MECOM: variants seen among roughly 807,000 people sequenced by gnomAD.
MECOM encodes the protein histone-lysine N-methyltransferase MECOM.
A neutral mutation model predicts 116.3 loss-of-function variants in MECOM; 13 were observed. That is an observed-to-expected ratio of 0.11 (90% CI 0.07 to 0.18). MECOM has a LOEUF of 0.18. Ranked by LOEUF, MECOM falls within the 10% of genes least tolerant of loss-of-function variation. The pLI is 1.00. For synonymous variants in MECOM, 528 were observed against 535.2 expected, an observed-to-expected ratio of 0.99 and a Z score of 0.19; for missense variants, 1,299 against 1,509.0, an observed-to-expected ratio of 0.86 and a Z score of 2.31.
At chr3:169,620,730 G>C (rs1382337955) in intron 1 of MECOM, among the ~76,000 whole-genome samples, 1 of 152,192 alleles carries the variant, frequency 6.6e-6, no homozygotes, top group Non-Finnish European at 1.5e-5. Flanking sequence ...AGGCTCATGG[G>C]AGCAAGCAAA....
chr3:169,485,964 C>CTATATA (rs371192814), intron 1 of MECOM, among the ~76,000 whole-genome samples: 4 of 94,392 alleles, frequency 4.2e-5, no homozygotes, highest in East Asian at 3.0e-4. Context: ...TACATATATA[C>CTATATA]TATATATACA....
chr3:169,479,490 C>T (rs1252005109), intron 1 of MECOM, among the ~76,000 whole-genome samples: 1 of 151,882 alleles, frequency 6.6e-6, no homozygotes, highest in Non-Finnish European at 1.5e-5. Context: ...CAGGGCCAGA[C>T]CATGCAAGGC....
chr3:169,242,575 C>T (rs1250615818), intron 2 of MECOM, among the ~76,000 whole-genome samples: 1 of 152,130 alleles, frequency 6.6e-6, no homozygotes, highest in Non-Finnish European at 1.5e-5. Flanking sequence ...CCAACCACAA[C>T]ATGCTACCCA....
In MECOM at chr3:169,538,434, A is replaced by T. The variant is rs79996820; in HGVS notation, c.37+124902T>A. On this transcript the variant is annotated intron_variant, in intron 1 of 16. Transcript: ENST00000651503. ...TGTTCATAAATGGCAGGTTAGAGGG[A>T]CATAGATTCACTTCTGACTGATGAC... is the stretch of plus-strand genomic sequence containing the variant. Among the ~76,000 whole-genome samples, 36 of 152,322 alleles carry T rather than the reference A, an allele frequency of 2.4e-4. No individual in the cohort carries two copies. In the East Asian group the frequency reaches 5.6e-3, roughly 24 times the overall value.
chr3:169,553,496 T>C (rs1043103045), intron 1 of MECOM, among the ~76,000 whole-genome samples: 1 of 152,216 alleles, frequency 6.6e-6, no homozygotes, highest in Non-Finnish European at 1.5e-5. Flanking sequence ...AAGAGATAAG[T>C]AAATGGCACT....
chr3:169,563,064 CAA>C (rs34061227), intron 1 of MECOM, among the ~76,000 whole-genome samples: 1,852 of 79,414 alleles, frequency 0.023, 29 homozygotes, highest in Middle Eastern at 0.078. Flanking sequence ...AGCTCCATCT[CAA>C]AAAAAAAAAA....
chr3:169,235,734 A>G (rs1207445728), intron 2 of MECOM, among the ~76,000 whole-genome samples: 1 of 152,148 alleles, frequency 6.6e-6, no homozygotes, highest in Non-Finnish European at 1.5e-5. Flanking sequence ...GCACACACAA[A>G]AAAGATAACA....
At chr3:169,170,201 A>G (rs1744194103) in intron 2 of MECOM, among the ~76,000 whole-genome samples, 1 of 152,010 alleles carries the variant, frequency 6.6e-6, no homozygotes, top group Admixed American at 6.6e-5. Context: ...TCACGAGGTC[A>G]AGAGATCGAG....
intron 1 of MECOM, among the ~76,000 whole-genome samples, chr3:169,434,716 C>T (rs1166027797): frequency 6.6e-6 from 1 of 152,038 alleles, no homozygotes; most frequent in East Asian, 1.9e-4. Flanking sequence ...TGATGTGAGG[C>T]AAATTTTTAA....
chr3:169,531,236 T>C (rs1576743166), intron 1 of MECOM, among the ~76,000 whole-genome samples: 2 of 152,212 alleles, frequency 1.3e-5, no homozygotes, highest in East Asian at 3.8e-4. Flanking sequence ...TTGGCACTGT[T>C]CCTGAATACA....
chr3:169,315,558 T>C (rs1381093620), intron 2 of MECOM, among the ~76,000 whole-genome samples: 2 of 152,170 alleles, frequency 1.3e-5, no homozygotes, highest in African/African-American at 4.8e-5. Flanking sequence ...TGTCTTTGCA[T>C]GTTAGGTCTT....
At chr3:169,546,529 C>T (rs940716854) in intron 1 of MECOM, among the ~76,000 whole-genome samples, 2 of 152,160 alleles carry the variant, frequency 1.3e-5, no homozygotes, top group African/African-American at 4.8e-5. Flanking sequence ...CACATCTGAC[C>T]TTGGCAGGCC....
chr3:169,331,239 A>G (rs1169361636), intron 2 of MECOM, among the ~76,000 whole-genome samples: 8 of 152,116 alleles, frequency 5.3e-5, no homozygotes, highest in African/African-American at 1.9e-4. Context: ...CATACAGTTA[A>G]TAAAGAGAAA....
At chr3:169,499,608 C>T (rs571146375) in intron 1 of MECOM, among the ~76,000 whole-genome samples, 9 of 117,002 alleles carry the variant, frequency 7.7e-5, no homozygotes, top group South Asian at 4.6e-4. Context: ...CAATTTACTT[C>T]GACCAGGGGG....
At chr3:169,511,860 AT>A (rs1340980714) in intron 1 of MECOM, among the ~76,000 whole-genome samples, 1 of 152,120 alleles carries the variant, frequency 6.6e-6, no homozygotes, top group Non-Finnish European at 1.5e-5. Flanking sequence ...AATTTCTATA[AT>A]TTCCCCCATC....
intron 1 of MECOM, among the ~76,000 whole-genome samples, chr3:169,548,985 T>C (rs915093393): frequency 6.6e-6 from 1 of 150,804 alleles, no homozygotes; most frequent in African/African-American, 2.4e-5. Context: ...TTTTTTTTTT[T>C]TTTTTTGAGA....
At chr3:169,187,095 T>C (rs911532543) in intron 2 of MECOM, among the ~76,000 whole-genome samples, 41 of 152,160 alleles carry the variant, frequency 2.7e-4, no homozygotes, top group African/African-American at 9.2e-4. Flanking sequence ...TACAGTGCTG[T>C]TCTTTGGAAT....
chr3:169,253,702 AG>A (rs1157175036), intron 2 of MECOM, among the ~76,000 whole-genome samples: 2 of 152,134 alleles, frequency 1.3e-5, no homozygotes, highest in Non-Finnish European at 2.9e-5. Flanking sequence ...CAGAAAGAAA[AG>A]GAAAACAATG....
chr3:169,552,909 C>CA (rs1467164750), intron 1 of MECOM, among the ~76,000 whole-genome samples: 1 of 151,530 alleles, frequency 6.6e-6, no homozygotes, highest in Admixed American at 6.6e-5. Flanking sequence ...GCAAGCAAAC[C>CA]AAAAAAATGC....
Sources: allele counts gnomAD v4.1 joint callset (sites outside exome capture counted in the v4.1 genomes callset), GRCh38; gene constraint gnomAD v4.1.1; transcripts MANE v1.5; gene names NCBI Gene and HGNC (gene_info 2026-07-23, HGNC 2026-07-21).